STAG1: variants seen among roughly 807,000 people sequenced by gnomAD.
STAG1 encodes cohesin subunit SA-1.
STAG1 carries 26 observed loss-of-function variants against 170.9 expected under a neutral mutation model. The ratio of observed to expected loss-of-function variants is 0.15; its 90% CI spans 0.11 to 0.21. The LOEUF (loss-of-function observed/expected upper bound fraction) is 0.21. Among genes scored for constraint, STAG1 ranks in the 10% least tolerant of loss-of-function variants. STAG1 has a pLI of 1.00. For synonymous variants in STAG1, 514 were observed against 497.7 expected (o/e 1.03, Z -0.44); for missense variants, 964 against 1,509.5 (o/e 0.64, Z 5.99).
At chr3:136,712,749 C>T (rs944398625) in intron 1 of STAG1, among the ~76,000 whole-genome samples, 1 of 152,114 alleles carries the variant, frequency 6.6e-6, no homozygotes, top group Non-Finnish European at 1.5e-5. Flanking sequence ...CAAGAGATTT[C>T]GATCTTAGAT....
intron 28 of STAG1, among the ~76,000 whole-genome samples, chr3:136,349,818 C>T (rs1936367746): frequency 6.6e-6 from 1 of 152,174 alleles, no homozygotes; most frequent in Admixed American, 6.5e-5. Context: ...AAAGTATTTG[C>T]CAATTCTCTT....
intron 29 of STAG1, among the ~76,000 whole-genome samples, chr3:136,347,980 T>C (rs1039675428): frequency 3.9e-5 from 6 of 152,322 alleles, no homozygotes; most frequent in African/African-American, 1.4e-4. Flanking sequence ...GTACTCCTCA[T>C]CAACAGTCAA....
chr3:136,463,639 A>T (rs2089337345), intron 13 of STAG1, among the ~76,000 whole-genome samples: 1 of 150,696 alleles, frequency 6.6e-6, no homozygotes, highest in Admixed American at 6.6e-5. Context: ...ACACTATGGG[A>T]GGCTGAGGTG....
intron 1 of STAG1, among the ~76,000 whole-genome samples, chr3:136,665,255 T>C (rs1323625064): frequency 7.9e-5 from 12 of 152,104 alleles, no homozygotes; most frequent in Admixed American, 7.2e-4. Flanking sequence ...TACAATGAGA[T>C]CTTTGAGGAC....
chr3:136,748,981 C>T (rs1935091118), intron 1 of STAG1, among the ~76,000 whole-genome samples: 1 of 152,054 alleles, frequency 6.6e-6, no homozygotes. Flanking sequence ...TGCCTAGGTC[C>T]TCTCCTTGTA....
intron 1 of STAG1, among the ~76,000 whole-genome samples, chr3:136,678,850 CAAAAAAA>C (rs559610524): frequency 3.7e-4 from 13 of 35,424 alleles, no homozygotes; most frequent in Admixed American, 1.8e-3. Flanking sequence ...CCCATGCTCA[CAAAAAAA>C]AAAAAAAAAG....
intron 22 of STAG1, among the ~76,000 whole-genome samples, chr3:136,382,294 C>A (rs1938010690): frequency 6.6e-6 from 1 of 151,782 alleles, no homozygotes; most frequent in Non-Finnish European, 1.5e-5. Context: ...CCCAAAACAT[C>A]TAAAGAGTAG....
intron 1 of STAG1, among the ~76,000 whole-genome samples, chr3:136,749,112 C>G (rs1253086903): frequency 2.0e-5 from 3 of 152,068 alleles, no homozygotes; most frequent in African/African-American, 7.2e-5. Flanking sequence ...GTGGGAGAGA[C>G]CTGTAGATAT....
chr3:136,453,073 T>C (rs1188545946), intron 13 of STAG1, among the ~76,000 whole-genome samples: 1 of 152,136 alleles, frequency 6.6e-6, no homozygotes, highest in African/African-American at 2.4e-5. Context: ...AAACACTGAT[T>C]TCACAGTCAT....
chr3:136,703,718 C>A (rs748127449), intron 1 of STAG1, among the ~76,000 whole-genome samples: 1 of 151,992 alleles, frequency 6.6e-6, no homozygotes, highest in Non-Finnish European at 1.5e-5. Context: ...AATTAAAAAA[C>A]GTAGACTGGG....
intron 4 of STAG1, among the ~76,000 whole-genome samples, chr3:136,572,099 C>T (rs1937282652): frequency 6.6e-6 from 1 of 152,060 alleles, no homozygotes; most frequent in Non-Finnish European, 1.5e-5. Context: ...CCTGTAATCC[C>T]AGTTACTTAG....
At chr3:136,359,433 G>T in intron 26 of STAG1, 137 bp from the exon 27 acceptor site, 2 of 552,544 alleles carry the variant, frequency 3.6e-6, no homozygotes, top group Non-Finnish European at 5.9e-6. Context: ...TAGCTACTCT[G>T]TTCCCTTTCT....
At chr3:136,505,986 A>G (rs1211845812) in intron 7 of STAG1, among the ~76,000 whole-genome samples, 2 of 152,198 alleles carry the variant, frequency 1.3e-5, no homozygotes, top group Non-Finnish European at 2.9e-5. Context: ...GAAGATACTT[A>G]AAAGGAAGGA....
chr3:136,620,417 G>A (rs1377673404), intron 3 of STAG1, among the ~76,000 whole-genome samples: 1 of 152,222 alleles, frequency 6.6e-6, no homozygotes. Context: ...TTAATTAACA[G>A]CTTGGCATTC....
At chr3:136,565,404 G>C (rs1937040993) in intron 5 of STAG1, among the ~76,000 whole-genome samples, 1 of 152,160 alleles carries the variant, frequency 6.6e-6, no homozygotes, top group South Asian at 2.1e-4. Flanking sequence ...ATACAGACAT[G>C]TCCAACAAGC....
intron 1 of STAG1, among the ~76,000 whole-genome samples, chr3:136,639,885 T>C (rs1208428719): frequency 3.3e-5 from 5 of 152,304 alleles, no homozygotes; most frequent in South Asian, 4.1e-4. Flanking sequence ...ACTATGTATG[T>C]GTGTGAAAAA....
At chr3:136,606,180 T>C (rs1298879983) in intron 3 of STAG1, among the ~76,000 whole-genome samples, 2 of 152,058 alleles carry the variant, frequency 1.3e-5, no homozygotes, top group African/African-American at 2.4e-5. Flanking sequence ...CAAAAGCCCA[T>C]ACTTTCTTTG....
rs189891738 is a variant in STAG1, at chr3:136,641,309, T to C, written c.-83-10328A>G. On this transcript the variant is annotated intron_variant, in intron 1 of 33. Transcript: ENST00000383202. ...CAGTAACTCCAGGAAATCCTTTTTT[T>C]TAAAACGTATTAAAAGAACTTACAC... Among the ~76,000 whole-genome samples, 250 of 152,306 alleles carry C rather than the reference T, an allele frequency of 1.6e-3. 1 individual carries two copies. The highest frequency in any genetic ancestry group is 3.0e-3 in the Non-Finnish European group (205 of 68,022).
At chr3:136,594,226 T>C (rs2107796049) in intron 4 of STAG1, among the ~76,000 whole-genome samples, 1 of 152,268 alleles carries the variant, frequency 6.6e-6, no homozygotes, top group South Asian at 2.1e-4. Flanking sequence ...AGTCATAGAG[T>C]AAAACTCAAG....
Sources: allele counts gnomAD v4.1 joint callset (sites outside exome capture counted in the v4.1 genomes callset), GRCh38; gene constraint gnomAD v4.1.1; transcripts MANE v1.5; gene names NCBI Gene and HGNC (gene_info 2026-07-23, HGNC 2026-07-21).